The following IL20RA variants were observed in gnomAD, a reference collection of about 807,000 sequenced individuals.
IL20RA encodes interleukin-20 receptor subunit alpha.
In IL20RA, 29 loss-of-function variants were observed where a neutral mutation model predicts 36.5. The ratio of observed to expected loss-of-function variants is 0.79; its 90% CI spans 0.59 to 1.08. The LOEUF is 1.08. Ranked by LOEUF, IL20RA falls within the 50% of genes least tolerant of loss-of-function variation. The pLI, the probability that IL20RA is intolerant of heterozygous loss-of-function variation, is 0.00. For missense variants in IL20RA, 652 were observed against 668.4 expected, an observed-to-expected ratio of 0.98 and a Z score of 0.27; for synonymous variants, 279 against 267.1, an observed-to-expected ratio of 1.04 and a Z score of -0.43.
At chr6:137,015,908 T>C (rs1037309444) in intron 2 of IL20RA, among the ~76,000 whole-genome samples, 1 of 152,170 alleles carries the variant, frequency 6.6e-6, no homozygotes, top group African/African-American at 2.4e-5. Flanking sequence ...CCAGAAGTCT[T>C]GGCCTCCTAA....
chr6:137,038,634 G>A (rs1003768125), intron 1 of IL20RA, among the ~76,000 whole-genome samples: 1 of 152,090 alleles, frequency 6.6e-6, no homozygotes, highest in African/African-American at 2.4e-5. Context: ...AGAACATCAC[G>A]ATGATAGCAA....
chr6:137,039,874 GA>G (rs1776624439), intron 1 of IL20RA, among the ~76,000 whole-genome samples: 1 of 152,012 alleles, frequency 6.6e-6, no homozygotes, highest in South Asian at 2.1e-4. Flanking sequence ...GCATGAGGGG[GA>G]ACCCAAATTG....
intron 1 of IL20RA, among the ~76,000 whole-genome samples, chr6:137,038,871 C>A (rs965601377): frequency 6.6e-6 from 1 of 151,990 alleles, no homozygotes; most frequent in Non-Finnish European, 1.5e-5. Flanking sequence ...CTTTACAGAA[C>A]AATCATTTTG....
At chr6:137,038,773 T>C (rs536597079) in intron 1 of IL20RA, among the ~76,000 whole-genome samples, 26 of 152,244 alleles carry the variant, frequency 1.7e-4, no homozygotes, top group Non-Finnish European at 2.9e-4. Context: ...CCTGGTAAAA[T>C]TGTACTTTGA....
At position 137,002,083 on chromosome 6, in the gene IL20RA, A is replaced by T. The variant is rs747251619; in HGVS notation, c.1137T>A (p.Gly379=). 1.7e-5 allele frequency: 27 copies of T among 1,614,014 alleles called. No homozygotes were observed. Among genetic ancestry groups the T allele is most frequent in the Non-Finnish European group, 2.3e-5 (27 of 1,180,028 alleles). Residue 379 remains glycine, a synonymous_variant, in exon 7 of 7, where the codon GGT becomes GGA. Coordinates refer to ENST00000316649, the MANE Select transcript of IL20RA (RefSeq NM_014432.4). ...GGGACTCTTGCTGGGTGAGAGAAGT[A>T]CCTTCCGTGTTTTCTTCAGAGTCAC... is the stretch of plus-strand genomic sequence containing the variant. ...IFCDSEENTE[G]TSLTQQESLS... is the part of the protein sequence containing the mutation.
chr6:137,011,172 G>T, intron 3 of IL20RA, 102 bp downstream of exon 3: 2 of 938,274 alleles, frequency 2.1e-6, no homozygotes, highest in Non-Finnish European at 3.2e-6. Flanking sequence ...ATACAGCCAA[G>T]CAGAGTACCT....
chr6:137,024,237 T>G (rs1776010386), intron 1 of IL20RA, among the ~76,000 whole-genome samples: 1 of 152,268 alleles, frequency 6.6e-6, no homozygotes, highest in African/African-American at 2.4e-5. Context: ...GCACTGTGTT[T>G]GTTTCAAGTT....
At position 137,000,866 on chromosome 6, in the gene IL20RA, C is replaced by T. The variant is rs1213836466; in HGVS notation, c.*692G>A. On this transcript the variant is annotated 3_prime_UTR_variant, in exon 7 of 7. Transcript: ENST00000316649. ...AGTTTTGAGAGACAATAAGCCCCTACTAAATTATTGAGAGGACACTTTTCT... is the reference window on the plus strand; with the variant it reads ...AGTTTTGAGAGACAATAAGCCCCTATTAAATTATTGAGAGGACACTTTTCT... The T allele has an allele frequency of 6.6e-6, 1 of 152,158 alleles. No individual in the cohort carries two copies. The highest frequency in any genetic ancestry group is 2.4e-5 in the African/African-American group (1 of 41,442). 9.4% of individuals were successfully genotyped at this position (152,158 alleles called of 1,614,324 possible).
intron 1 of IL20RA, among the ~76,000 whole-genome samples, chr6:137,024,812 G>T (rs1430894971): frequency 6.6e-6 from 1 of 152,208 alleles, no homozygotes; most frequent in East Asian, 1.9e-4. Context: ...TGTAGGGTGT[G>T]TGTGGTCTCC....
At chr6:137,028,114 TG>T (rs1776156130) in intron 1 of IL20RA, among the ~76,000 whole-genome samples, 1 of 152,072 alleles carries the variant, frequency 6.6e-6, no homozygotes, top group Admixed American at 6.5e-5. Context: ...GGGGTACAGT[TG>T]AGGACAGAAA....
At chr6:137,034,450 C>T (rs1392782916) in intron 1 of IL20RA, among the ~76,000 whole-genome samples, 3 of 151,892 alleles carry the variant, frequency 2.0e-5, no homozygotes, top group African/African-American at 7.3e-5. Context: ...GCAGAATGTG[C>T]AGGTTTGTTA....
At chr6:137,003,964 T>C (rs563868040) in intron 6 of IL20RA, among the ~76,000 whole-genome samples, 16 of 152,154 alleles carry the variant, frequency 1.1e-4, no homozygotes, top group Admixed American at 9.2e-4. Context: ...CCCCCAGAAT[T>C]CCCAGCGCCT....
intron 1 of IL20RA, among the ~76,000 whole-genome samples, chr6:137,036,599 AG>A (rs1439179731): frequency 1.2e-4 from 19 of 152,188 alleles, no homozygotes; most frequent in Non-Finnish European, 2.5e-4. Context: ...CTACAAGCCA[AG>A]GGGTGCCTAA....
Position 137,002,296 on chromosome 6 carries a change from C to A in IL20RA, c.924G>T (p.Val308=), listed in dbSNP as rs1775100955. Residue 308 remains valine (V), a synonymous_variant, in exon 7 of 7, where the codon GTG becomes GTT. Coordinates refer to ENST00000316649, the MANE Select transcript of IL20RA (RefSeq NM_014432.4). ...AGATATTGAGGGTGATAAAGTTAAT[C>A]ACGATTTTTTCAGCAGGCACAAAGA... ...KRFFVPAEKI[V]INFITLNISD... The A allele has an allele frequency of 6.2e-7, 1 of 1,609,042 alleles. No individual in the cohort carries two copies. Among genetic ancestry groups the A allele is most frequent in the Admixed American group, 1.7e-5 (1 of 59,006 alleles).
At chr6:137,043,219 A>G (rs113920853) in intron 1 of IL20RA, among the ~76,000 whole-genome samples, 7,998 of 152,176 alleles carry the variant, frequency 0.053, 275 homozygotes, top group Non-Finnish European at 0.079. Flanking sequence ...CGGAGTAGCT[A>G]GGACTACAGG....
At chr6:137,010,183 T>C (rs1308084306) in intron 3 of IL20RA, among the ~76,000 whole-genome samples, 1 of 152,214 alleles carries the variant, frequency 6.6e-6, no homozygotes, top group Non-Finnish European at 1.5e-5. Context: ...AGAGATGTGA[T>C]TAGAATGATC....
At chr6:137,022,174 T>C (rs770992484) in intron 1 of IL20RA, among the ~76,000 whole-genome samples, 4 of 152,222 alleles carry the variant, frequency 2.6e-5, no homozygotes, top group Non-Finnish European at 5.9e-5. Context: ...TGTTAGATAC[T>C]AATCTGTTCA....
chr6:137,010,126 A>G (rs952341149), intron 3 of IL20RA, among the ~76,000 whole-genome samples: 24 of 152,260 alleles, frequency 1.6e-4, no homozygotes, highest in African/African-American at 5.1e-4. Flanking sequence ...TGTGACTTGA[A>G]AAGTTGGTGA....
At position 137,011,327 on chromosome 6, in the gene IL20RA, C is replaced by A; in HGVS notation, c.350G>T (p.Gly117Val). Residue 117 changes from glycine (G) to valine (V), a missense_variant, in exon 3 of 7, where the codon GGA (glycine) becomes GTA (valine). Gly to Val is a moderately radical substitution (Grantham distance 109). Coordinates refer to ENST00000316649, the MANE Select transcript of IL20RA (RefSeq NM_014432.4). ...QYYAKVKAIW[G>V]TKCSKWAESG... The stretch of plus-strand genomic sequence containing the variant: ...TTCAGCCCATTTGGAACACTTTGTT[C>A]CCCAAATGGCCTTAACTTTGGCATA... 1 of 1,613,752 alleles carries A rather than the reference C, an allele frequency of 6.2e-7. No homozygotes were observed. The highest frequency in any genetic ancestry group is 1.1e-5 in the South Asian group (1 of 91,030).
Sources: allele counts gnomAD v4.1 joint callset (sites outside exome capture counted in the v4.1 genomes callset), GRCh38; gene constraint gnomAD v4.1.1; transcripts MANE v1.5; gene names NCBI Gene and HGNC (gene_info 2026-07-23, HGNC 2026-07-21).